TACC1: variants seen among roughly 807,000 people sequenced by gnomAD.
TACC1 encodes transforming acidic coiled-coil containing protein 1, also known as transforming acidic coiled-coil-containing protein 1.
Under a neutral mutation model 84.4 loss-of-function variants are expected in TACC1, and 48 were observed. The ratio of observed to expected loss-of-function variants is 0.57; its 90% CI spans 0.45 to 0.72. The LOEUF (loss-of-function observed/expected upper bound fraction) is 0.72, where lower values mean the gene tolerates loss of function less well. TACC1 is among the 30% of genes least tolerant of loss of function. TACC1 has a pLI of 0.00. For synonymous variants in TACC1, 372 were observed against 376.3 expected, an observed-to-expected ratio of 0.99 and a Z score of 0.13; for missense variants, 920 against 973.0, an observed-to-expected ratio of 0.95 and a Z score of 0.72.
chr8:38,781,823 T>C (rs1338456681), intron 3 of TACC1, among the ~76,000 whole-genome samples: 1 of 152,166 alleles, frequency 6.6e-6, no homozygotes, highest in Admixed American at 6.5e-5. Flanking sequence ...GAATCTTAAA[T>C]TTATAAACAA....
intron 3 of TACC1, among the ~76,000 whole-genome samples, chr8:38,776,218 G>A (rs765186707): frequency 5.3e-5 from 8 of 152,126 alleles, no homozygotes; most frequent in Non-Finnish European, 8.8e-5. Flanking sequence ...CTTCTTCAAC[G>A]TTTTTGTCCA....
At position 38,843,375 on chromosome 8, in the gene TACC1, C is replaced by T. The variant is rs776268614; in HGVS notation, c.2208C>T (p.His736=). The part of the protein sequence containing the change: ...EEQRYQALKI[H]AEEKLDKANE... The stretch of plus-strand genomic sequence containing the variant: ...AGCGATACCAGGCCCTGAAAATCCA[C>T]GCAGAAGAGAAACTGGACAAGTAAG... Residue 736 remains histidine (H), a synonymous_variant, in exon 11 of 13, where the codon CAC becomes CAT. Coordinates refer to ENST00000317827, the MANE Select transcript of TACC1 (RefSeq NM_006283.3). The T allele has an allele frequency of 2.3e-5, 37 of 1,606,834 alleles. No individual in the cohort carries two copies. In the South Asian group the frequency reaches 2.6e-4, roughly 11 times the overall value.
At chr8:38,774,335 A>T (rs1814350139) in intron 3 of TACC1, among the ~76,000 whole-genome samples, 1 of 152,188 alleles carries the variant, frequency 6.6e-6, no homozygotes, top group Non-Finnish European at 1.5e-5. Context: ...TGCAAGTTCT[A>T]TGAGGGCAGG....
chr8:38,759,027 C>T (rs1810691278), intron 3 of TACC1, among the ~76,000 whole-genome samples: 1 of 152,130 alleles, frequency 6.6e-6, no homozygotes, highest in African/African-American at 2.4e-5. Flanking sequence ...TCTGCAATAG[C>T]AATGCTTAAT....
At chr8:38,840,059 TAAAAAAA>T (rs11440274) in intron 8 of TACC1, 158 bp from the exon 9 acceptor site, 2 of 188,882 alleles carry the variant, frequency 1.1e-5, no homozygotes, top group South Asian at 1.9e-4. Flanking sequence ...TTATATAATG[TAAAAAAA>T]AAAAAAAAAA....
chr8:38,844,473 C>A (rs1052495748), intron 11 of TACC1, among the ~76,000 whole-genome samples: 1 of 152,060 alleles, frequency 6.6e-6, no homozygotes, highest in African/African-American at 2.4e-5. Context: ...CGCGCCCAGC[C>A]CCAGAGCATT....
chr8:38,784,637 G>A (rs949403882), upstream of TACC1, among the ~76,000 whole-genome samples: 3 of 152,144 alleles, frequency 2.0e-5, no homozygotes, highest in Non-Finnish European at 4.4e-5. Context: ...TTGGTCCTGG[G>A]TTCTGTTATT....
At chr8:38,742,384 G>A (rs1049151313) in exon 2 of TACC1, 1 of 1,501,818 alleles carries the variant, frequency 6.7e-7, no homozygotes, top group African/African-American at 1.4e-5. Flanking sequence ...AGAGGTCCTG[G>A]TCTTGATTGC....
At chr8:38,781,295 T>C (rs1241569937) in intron 3 of TACC1, among the ~76,000 whole-genome samples, 2 of 152,146 alleles carry the variant, frequency 1.3e-5, no homozygotes, top group African/African-American at 4.8e-5. Context: ...TACTAATCCA[T>C]AAGGATGCAT....
intron 11 of TACC1, 97 bp from the exon 12 acceptor site, chr8:38,846,602 G>C: frequency 7.0e-7 from 1 of 1,430,804 alleles, no homozygotes; most frequent in Admixed American, 2.1e-5. Flanking sequence ...TGAGGCCTGT[G>C]CCTCACAGAT....
At chr8:38,769,856 T>C (rs1813204963) in intron 3 of TACC1, among the ~76,000 whole-genome samples, 1 of 149,150 alleles carries the variant, frequency 6.7e-6, no homozygotes. Flanking sequence ...GGGTGTGGTG[T>C]GTGTGACTAT....
chr8:38,845,943 T>C (rs1832144763), intron 11 of TACC1, among the ~76,000 whole-genome samples: 1 of 152,212 alleles, frequency 6.6e-6, no homozygotes, highest in African/African-American at 2.4e-5. Flanking sequence ...AATGAGGCTT[T>C]AGCATCCTTT....
intron 3 of TACC1, among the ~76,000 whole-genome samples, chr8:38,753,220 C>A (rs1809361218): frequency 6.6e-6 from 1 of 152,090 alleles, no homozygotes; most frequent in South Asian, 2.1e-4. Flanking sequence ...CTACTTCACG[C>A]TCCTGAGTAT....
intron 2 of TACC1, among the ~76,000 whole-genome samples, chr8:38,798,992 G>A (rs920076488): frequency 3.9e-5 from 6 of 152,078 alleles, no homozygotes; most frequent in Non-Finnish European, 7.4e-5. Context: ...ACATGAAACT[G>A]GGGGAAAAAA....
intron 6 of TACC1, 131 bp from the exon 7 acceptor site, chr8:38,836,030 TC>T (rs372800511): frequency 2.4e-5 from 29 of 1,233,114 alleles, no homozygotes; most frequent in African/African-American, 3.0e-5. Flanking sequence ...TTAAAAAGCT[TC>T]CCCCCGCTGA....
chr8:38,795,195 G>A (rs1026325435), intron 2 of TACC1, among the ~76,000 whole-genome samples: 21 of 152,292 alleles, frequency 1.4e-4, no homozygotes, highest in African/African-American at 5.1e-4. Context: ...GGAAAAAAGT[G>A]TAGTTTTTCC....
chr8:38,744,816 A>G (rs1160947832), intron 2 of TACC1: 1 of 152,166 alleles, frequency 6.6e-6, no homozygotes, highest in Non-Finnish European at 1.5e-5. Context: ...ATAAAACTGA[A>G]TATGACCATA....
intron 3 of TACC1, among the ~76,000 whole-genome samples, chr8:38,778,475 C>T (rs1815291044): frequency 6.6e-6 from 1 of 152,182 alleles, no homozygotes; most frequent in Non-Finnish European, 1.5e-5. Context: ...ATTTCACTTA[C>T]TGAGTTGAGG....
intron 1 of TACC1, among the ~76,000 whole-genome samples, chr8:38,730,234 A>G (rs1244135781): frequency 6.6e-6 from 1 of 152,114 alleles, no homozygotes; most frequent in South Asian, 2.1e-4. Flanking sequence ...TGCCCTAGGG[A>G]ACCCGCTGGA....
Sources: allele counts gnomAD v4.1 joint callset (sites outside exome capture counted in the v4.1 genomes callset), GRCh38; gene constraint gnomAD v4.1.1; transcripts MANE v1.5; gene names NCBI Gene and HGNC (gene_info 2026-07-23, HGNC 2026-07-21).